RIOX2: variants seen among roughly 807,000 people sequenced by gnomAD.
RIOX2 encodes ribosomal oxygenase 2, also known as 60S ribosomal protein L27a histidine hydroxylase.
Under a neutral mutation model 51.2 loss-of-function variants are expected in RIOX2, and 43 were observed. That is an observed-to-expected ratio of 0.84 (90% confidence interval 0.66 to 1.08). RIOX2 has a LOEUF of 1.08. Among genes scored for constraint, RIOX2 ranks in the 50% least tolerant of loss-of-function variants. The pLI is 0.00. For synonymous variants in RIOX2, 226 were observed against 218.5 expected (o/e 1.03, Z -0.30); for missense variants, 566 against 561.7 (o/e 1.01, Z -0.08).
intron 4 of RIOX2, among the ~76,000 whole-genome samples, chr3:97,956,503 T>TC (rs1705456161): frequency 6.6e-6 from 1 of 152,198 alleles, no homozygotes; most frequent in Non-Finnish European, 1.5e-5. Context: ...TAAAGATTTT[T>TC]TTTTTTTTTT....
intron 7 of RIOX2, among the ~76,000 whole-genome samples, chr3:97,948,806 G>A (rs994719026): frequency 1.3e-5 from 2 of 151,938 alleles, no homozygotes; most frequent in Admixed American, 1.3e-4. Context: ...ATGCCCTGCA[G>A]TTCTCAATGG....
chr3:97,942,976 C>T lies in RIOX2; in HGVS notation c.*2208G>A, dbSNP rs755358888. On this transcript the variant is annotated 3_prime_UTR_variant, in exon 10 of 10. Transcript: ENST00000394198. ...TCAAGAGCACTTTGTTCTAAAGAATCACATTAAGGCACGCCACTTATACAA... is the reference window on the plus strand; with the variant it reads ...TCAAGAGCACTTTGTTCTAAAGAATTACATTAAGGCACGCCACTTATACAA... 3 of 404,078 alleles carry T rather than the reference C, an allele frequency of 7.4e-6. No homozygotes were observed. The highest frequency in any genetic ancestry group is 2.1e-5 in the African/African-American group (1 of 46,896). The allele number at this position is 404,078 out of a possible 1,614,324, so 25.0% of individuals were successfully genotyped here. A position where few individuals can be genotyped will look rare whatever the true frequency, so the allele number is the denominator to read the frequency against.
At position 97,942,776 on chromosome 3, in the gene RIOX2, C is replaced by T. The variant is rs568597415; in HGVS notation, c.*2408G>A. ...ATCTCTAGCTTTTTGCCAGGAATTG[C>T]CATGGTCCTTAAAAACCCTCAGGTA... is the stretch of plus-strand genomic sequence containing the variant. On this transcript the variant is annotated 3_prime_UTR_variant, in exon 10 of 10. Coordinates refer to ENST00000394198, the MANE Select transcript of RIOX2 (RefSeq NM_153182.4). The T allele has an allele frequency of 1.3e-5, 3 of 226,632 alleles. No homozygotes were observed. The highest frequency in any genetic ancestry group is 2.3e-5 in the African/African-American group (1 of 43,476). 14.0% of individuals were successfully genotyped at this position (226,632 alleles called of 1,614,324 possible). A position where few individuals can be genotyped will look rare whatever the true frequency, so the allele number is the denominator to read the frequency against.
At chr3:97,949,801 T>G in intron 7 of RIOX2, 43 bp downstream of exon 7, 1 of 1,575,452 alleles carries the variant, frequency 6.3e-7, no homozygotes. Context: ...GTAAACATCC[T>G]GCATTAGCCT....
At chr3:97,953,417 G>T (rs1277675115) in intron 5 of RIOX2, among the ~76,000 whole-genome samples, 1 of 150,938 alleles carries the variant, frequency 6.6e-6, no homozygotes, top group Non-Finnish European at 1.5e-5. Flanking sequence ...GTCTCGCTCT[G>T]TCGCCCAGGC....
intron 1 of RIOX2, 95 bp from the exon 2 acceptor site, chr3:97,967,727 C>T: frequency 1.1e-6 from 1 of 874,506 alleles, no homozygotes; most frequent in Non-Finnish European, 1.7e-6. Flanking sequence ...ATGACCATTA[C>T]ACCTTCGTGA....
Position 97,945,463 on chromosome 3 carries a change from G to T in RIOX2, c.1240-121C>A. 4.7e-6 allele frequency: 4 copies of T among 842,954 alleles called. No individual in the cohort carries two copies. In the South Asian group the frequency reaches 5.7e-5, roughly 12 times the overall value. The allele number at this position is 842,954 out of a possible 1,614,324, so 52.2% of individuals were successfully genotyped here. Reference sequence around the variant, plus strand: ...TTTGATACCCCTCATGAGTATTTTAGACACACTACAATTAGATAACATAAA... The same window carrying T: ...TTTGATACCCCTCATGAGTATTTTATACACACTACAATTAGATAACATAAA... On this transcript the variant is annotated intron_variant, in intron 9 of 9. Transcript: ENST00000394198.
intron 7 of RIOX2, among the ~76,000 whole-genome samples, chr3:97,949,632 A>T (rs1705162590): frequency 6.6e-6 from 1 of 152,184 alleles, no homozygotes; most frequent in Non-Finnish European, 1.5e-5. Flanking sequence ...AGGGTGGGAT[A>T]CAAGTTCTTT....
chr3:97,961,715 A>G lies in RIOX2; in HGVS notation c.433-7T>C. The G allele has an allele frequency of 6.3e-6, 10 of 1,578,690 alleles. No individual in the cohort carries two copies. Among genetic ancestry groups the G allele is most frequent in the Non-Finnish European group, 8.5e-6 (10 of 1,170,194 alleles). On this transcript the variant is annotated splice_region_variant and splice_polypyrimidine_tract_variant and intron_variant, in intron 2 of 9. Transcript: ENST00000394198. ...GGATCCTCCAAAGCTCATCCTTTAC[A>G]AAAAAGGAAAAAAGAAAGGGTCGGC...
intron 9 of RIOX2, chr3:97,945,580 G>T: frequency 1.6e-6 from 1 of 606,602 alleles, no homozygotes. Flanking sequence ...TTCCTATAAG[G>T]CTACAGGTCC....
In RIOX2 at chr3:97,967,143, C is replaced by G; in HGVS notation, c.432+19G>C. 6.2e-7 allele frequency: 1 copy of G among 1,603,892 alleles called. No individual in the cohort carries two copies. On this transcript the variant is annotated intron_variant, in intron 2 of 9. Transcript: ENST00000394198. ...TACTTTAAAATGTATGAGGATTCTG[C>G]AATGGGGAAACTGGTTACCTTAAAT...
chr3:97,962,299 G>C (rs1023439542), intron 2 of RIOX2, among the ~76,000 whole-genome samples: 5 of 141,710 alleles, frequency 3.5e-5, no homozygotes, highest in African/African-American at 1.3e-4. Context: ...TAAAAAACAA[G>C]TTTTCAGGAC....
At position 97,942,773 on chromosome 3, in the gene RIOX2, T is replaced by C. The variant is rs2040259752; in HGVS notation, c.*2411A>G. ...AACATCTCTAGCTTTTTGCCAGGAA[T>C]TGCCATGGTCCTTAAAAACCCTCAG... On this transcript the variant is annotated 3_prime_UTR_variant, in exon 10 of 10. Transcript: ENST00000394198. The C allele has an allele frequency of 4.4e-6, 1 of 228,430 alleles. No individual in the cohort carries two copies. The highest frequency in any genetic ancestry group is 2.3e-5 in the African/African-American group (1 of 43,478). The allele number at this position is 228,430 out of a possible 1,614,324, so 14.2% of individuals were successfully genotyped here.
chr3:97,942,565 C>G lies in RIOX2; in HGVS notation c.*2619G>C, dbSNP rs976094562. 8.4e-6 allele frequency: 8 copies of G among 950,250 alleles called. No homozygotes were observed. The African/African-American group carries it at 1.3e-4, about 16-fold the overall frequency. The allele number at this position is 950,250 out of a possible 1,614,324, so 58.9% of individuals were successfully genotyped here. A position where few individuals can be genotyped will look rare whatever the true frequency, so the allele number is the denominator to read the frequency against. ...AAATGTTAAGTCATTTAAAATTATG[C>G]TTGAAGAAAATTAAGATAGGCAGTT... is the stretch of plus-strand genomic sequence containing the variant. On this transcript the variant is annotated 3_prime_UTR_variant, in exon 10 of 10. Transcript: ENST00000394198.
intron 4 of RIOX2, among the ~76,000 whole-genome samples, chr3:97,957,532 T>C (rs1188612405): frequency 2.7e-5 from 4 of 149,130 alleles, no homozygotes; most frequent in Non-Finnish European, 5.9e-5. Flanking sequence ...CACATACACA[T>C]ACACACTTGA....
At chr3:97,949,183 C>G (rs1040033770) in intron 7 of RIOX2, among the ~76,000 whole-genome samples, 5 of 152,110 alleles carry the variant, frequency 3.3e-5, no homozygotes, top group African/African-American at 1.2e-4. Context: ...GAGCAGATCC[C>G]TCATGAATAG....
In RIOX2 at chr3:97,945,082, C is replaced by T. The variant is rs570242540; in HGVS notation, c.*102G>A. On this transcript the variant is annotated 3_prime_UTR_variant, in exon 10 of 10. Coordinates refer to ENST00000394198, the MANE Select transcript of RIOX2 (RefSeq NM_153182.4). ...GAGGTCTCATGTTTGTTAGTAGATA[C>T]GCAGGTAAGGAAACTTGAATTCATC... 36 of 1,060,252 alleles carry T rather than the reference C, an allele frequency of 3.4e-5. No individual in the cohort carries two copies. In the African/African-American group the frequency reaches 4.6e-4, roughly 13 times the overall value. 65.7% of individuals were successfully genotyped at this position (1,060,252 alleles called of 1,614,324 possible).
intron 8 of RIOX2, 54 bp downstream of exon 8, chr3:97,947,306 CT>C: frequency 7.2e-7 from 1 of 1,397,200 alleles, no homozygotes. Flanking sequence ...AACCTGAGGC[CT>C]CTGATGAAAA....
At position 97,945,824 on chromosome 3, in the gene RIOX2, T is replaced by C; in HGVS notation, c.1213A>G (p.Met405Val). The part of the protein sequence containing the change: ...HSLKNSRETH[M>V]MGNEEETEFH... ...TCTGTTTCCTCCTCATTTCCCATCA[T>C]GTGTGTCTCTCTACTATTCTTTAAG... is the stretch of plus-strand genomic sequence containing the variant. Residue 405 changes from methionine to valine, a missense_variant, in exon 9 of 10, where the codon ATG (methionine) becomes GTG (valine). By Grantham distance (21) the Met-to-Val change is conservative. Transcript: ENST00000394198. 1 of 1,610,842 alleles carries C rather than the reference T, an allele frequency of 6.2e-7. No individual in the cohort carries two copies. Among genetic ancestry groups the C allele is most frequent in the South Asian group, 1.1e-5 (1 of 90,978 alleles).
Sources: allele counts gnomAD v4.1 joint callset (sites outside exome capture counted in the v4.1 genomes callset), GRCh38; gene constraint gnomAD v4.1.1; transcripts MANE v1.5; gene names NCBI Gene and HGNC (gene_info 2026-07-23, HGNC 2026-07-21).